PAQR5: variants seen among roughly 807,000 people sequenced by gnomAD.
PAQR5 encodes membrane progestin receptor gamma.
Under a neutral mutation model 34.5 loss-of-function variants are expected in PAQR5, and 20 were observed. The observed-to-expected ratio is 0.58, with a 90% confidence interval of 0.41 to 0.84. PAQR5 has a LOEUF of 0.84. Ranked by LOEUF, PAQR5 falls within the 40% of genes least tolerant of loss-of-function variation. The pLI is 0.00. For synonymous variants in PAQR5, 131 were observed against 155.6 expected, an observed-to-expected ratio of 0.84 and a Z score of 1.18; for missense variants, 378 against 412.7, an observed-to-expected ratio of 0.92 and a Z score of 0.73.
intron 1 of PAQR5, among the ~76,000 whole-genome samples, chr15:69,307,393 T>C (rs146842294): frequency 1.3e-5 from 2 of 152,258 alleles, no homozygotes; most frequent in African/African-American, 4.8e-5. Context: ...ACCATCATAG[T>C]ATTAAGGAAG....
chr15:69,325,816 T>G (rs2054238031), intron 1 of PAQR5, among the ~76,000 whole-genome samples: 1 of 152,138 alleles, frequency 6.6e-6, no homozygotes, highest in African/African-American at 2.4e-5. Context: ...CCACCGCAGT[T>G]TCTACGCACA....
In PAQR5 at chr15:69,324,277, G is replaced by A. The variant is rs1354447758; in HGVS notation, c.-276-13064G>A. 1.1e-4 allele frequency among the ~76,000 whole-genome samples: 16 copies of A among 152,308 alleles called. No individual in the cohort carries two copies. The South Asian group carries it at 3.3e-3, about 32-fold the overall frequency. ...CCAGCCCAGGAGGTGGGTCAGAGCT[G>A]GAGGAGAAACAGTCTGTTTTCAAGC... On this transcript the variant is annotated intron_variant, in intron 1 of 8. Transcript: ENST00000395407.
intron 2 of PAQR5, among the ~76,000 whole-genome samples, chr15:69,344,242 A>G (rs184350662): frequency 6.6e-6 from 1 of 152,336 alleles, no homozygotes; most frequent in Admixed American, 6.5e-5. Flanking sequence ...TTCTAGTTGT[A>G]TTCAAACCAT....
In PAQR5 at chr15:69,349,882, T is replaced by A. The variant is rs1168435130; in HGVS notation, c.-115-10084T>A. Among the ~76,000 whole-genome samples, 4 of 152,174 alleles carry A rather than the reference T, an allele frequency of 2.6e-5. No individual in the cohort carries two copies. In the East Asian group the frequency reaches 7.8e-4, roughly 30 times the overall value. On this transcript the variant is annotated intron_variant, in intron 2 of 8. Transcript: ENST00000395407. ...GTCTCGAACTCCTGACCTCAAGTGA[T>A]CGGCCCGCCTTGGCCTCCCAAAGTG...
intron 6 of PAQR5, chr15:69,391,515 C>G: frequency 2.7e-6 from 1 of 366,724 alleles, no homozygotes; most frequent in Non-Finnish European, 5.4e-6. Context: ...CAGTAATAAC[C>G]CTGCGGAAAC....
At chr15:69,393,652 G>A (rs953880891) in intron 6 of PAQR5, among the ~76,000 whole-genome samples, 49 of 152,228 alleles carry the variant, frequency 3.2e-4, no homozygotes, top group Non-Finnish European at 6.2e-4. Flanking sequence ...GCAGGAGCGG[G>A]AGAGAACCAC....
rs867237405 is a variant in PAQR5, at chr15:69,305,106, G to T, written c.-277+6050G>T. Among the ~76,000 whole-genome samples the T allele has an allele frequency of 2.6e-5, 4 of 152,180 alleles. 1 individual carries two copies. Among genetic ancestry groups the T allele is most frequent in the Non-Finnish European group, 5.9e-5 (4 of 68,038 alleles). On this transcript the variant is annotated intron_variant, in intron 1 of 8. Coordinates refer to ENST00000395407, the MANE Select transcript of PAQR5 (RefSeq NM_017705.4). ...GACTTTCGGTACCGGATAATTCTGT[G>T]TTTGTGGTGGGCGGTGGAGAGGGGG...
chr15:69,300,933 C>CTTTCCTTCTTTCTTTCTTTCTT (rs1183361471), intron 1 of PAQR5, among the ~76,000 whole-genome samples: 1 of 8,368 alleles, frequency 1.2e-4, no homozygotes, highest in Non-Finnish European at 3.6e-4. Flanking sequence ...CTCTCTCTCT[C>CTTTCCTTCTTTCTTTCTTTCTT]TCTCTCTTTC....
At chr15:69,300,569 T>G (rs72756329) in intron 1 of PAQR5, among the ~76,000 whole-genome samples, 14,613 of 72,174 alleles carry the variant, frequency 0.2, 1,383 homozygotes, top group Middle Eastern at 0.34. Flanking sequence ...TTTTCTTTCT[T>G]TCTCTTTCTT....
intron 2 of PAQR5, among the ~76,000 whole-genome samples, chr15:69,343,012 T>C (rs973103183): frequency 6.6e-6 from 1 of 152,230 alleles, no homozygotes; most frequent in Non-Finnish European, 1.5e-5. Context: ...GAAACCCCTA[T>C]GTTAACCTTG....
chr15:69,390,351 TATTTA>T (rs1567038423), intron 6 of PAQR5, among the ~76,000 whole-genome samples: 16 of 110,592 alleles, frequency 1.4e-4, no homozygotes, highest in Non-Finnish European at 2.0e-4. Flanking sequence ...TTTATTTATT[TATTTA>T]TTTATTTTTT....
At chr15:69,330,356 T>A (rs1050304933) in intron 1 of PAQR5, among the ~76,000 whole-genome samples, 9 of 152,210 alleles carry the variant, frequency 5.9e-5, no homozygotes, top group Non-Finnish European at 8.8e-5. Flanking sequence ...TAAACAAAAA[T>A]GGTAACAGCT....
At chr15:69,320,214 C>T (rs891006865) in intron 1 of PAQR5, among the ~76,000 whole-genome samples, 7 of 152,236 alleles carry the variant, frequency 4.6e-5, no homozygotes, top group Admixed American at 1.3e-4. Flanking sequence ...AGAGCCAGAA[C>T]GATCCCAGGC....
rs780711031 is a variant in PAQR5, at chr15:69,322,691, GGAAGAAGAAGAA to G, written c.-276-14581_-276-14570del. Among the ~76,000 whole-genome samples the G allele has an allele frequency of 3.5e-3, 88 of 25,462 alleles. 2 individuals are homozygous for G. The highest frequency in any genetic ancestry group is 0.012 in the African/African-American group (80 of 6,642). 16.7% of individuals were successfully genotyped at this position (25,462 alleles called of 152,430 possible). On this transcript the variant is annotated intron_variant, in intron 1 of 8. Transcript: ENST00000395407. ...AAAAAAAAGAAGAAGAAGGAGAAGA[GGAAGAAGAAGAA>G]GAAGAAGAAGAAGAAGAAGAAGAAG... is the stretch of plus-strand genomic sequence containing the variant.
chr15:69,340,881 G>A lies in PAQR5; in HGVS notation c.-116+3380G>A, dbSNP rs544163985. 1.8e-4 allele frequency among the ~76,000 whole-genome samples: 28 copies of A among 152,266 alleles called. No individual in the cohort carries two copies. In the East Asian group the frequency reaches 4.2e-3, roughly 23 times the overall value. On this transcript the variant is annotated intron_variant, in intron 2 of 8. Transcript: ENST00000395407. ...GGGAGGCAGTTTGCAGCAACAGGAT[G>A]TGTATAATATGTATTTTTTTTCTGG...
chr15:69,370,352 A>T (rs1463909), intron 3 of PAQR5, among the ~76,000 whole-genome samples: 147,674 of 152,284 alleles, frequency 0.97, 71,761 homozygotes, highest in East Asian at 1. Flanking sequence ...GATGAACAAA[A>T]GAAACCAGAC....
chr15:69,340,071 G>T (rs1352475131), intron 2 of PAQR5, among the ~76,000 whole-genome samples: 1 of 151,968 alleles, frequency 6.6e-6, no homozygotes, highest in Admixed American at 6.6e-5. Flanking sequence ...TCTCCATGTT[G>T]GTCAGGCTGG....
At chr15:69,346,145 G>T (rs1268093860) in intron 2 of PAQR5, among the ~76,000 whole-genome samples, 2 of 152,072 alleles carry the variant, frequency 1.3e-5, no homozygotes, top group Non-Finnish European at 2.9e-5. Flanking sequence ...ATTTTATAGT[G>T]TTGGTGAAAT....
intron 2 of PAQR5, 23 bp downstream of exon 2, chr15:69,337,524 T>C (rs1363808859): frequency 6.6e-6 from 1 of 152,234 alleles, no homozygotes; most frequent in Non-Finnish European, 1.5e-5. Flanking sequence ...CGTCACTTTC[T>C]AACAGGCCCA....
Sources: gnomAD v4.1 joint callset for allele counts (sites outside exome capture counted in the v4.1 genomes callset) on GRCh38, gnomAD v4.1.1 for gene constraint, MANE v1.5 for transcripts, NCBI Gene and HGNC (gene_info 2026-07-23, HGNC 2026-07-21) for gene names.